CCND2: variants seen among roughly 807,000 people sequenced by gnomAD.
The protein encoded by CCND2 is cyclin D2, also known as G1/S-specific cyclin-D2.
CCND2 carries 6 observed loss-of-function variants against 30.2 expected under a neutral mutation model. The observed-to-expected ratio is 0.20, with a 90% CI of 0.11 to 0.39. The LOEUF is 0.39. Ranked by LOEUF, CCND2 falls within the 10% of genes least tolerant of loss-of-function variation. The probability of loss-of-function intolerance (pLI) is 1.00; values close to 1 mark genes in which losing one functional copy is unlikely to be tolerated. For synonymous variants in CCND2, 150 were observed against 153.1 expected (o/e 0.98, Z 0.15); for missense variants, 235 against 373.4 (o/e 0.63, Z 3.06).
rs3217921 is a variant in CCND2, at chr12:4,299,941, G to A, written c.802G>A (p.Gly268Arg). The A allele has an allele frequency of 2.2e-4, 352 of 1,614,146 alleles. 4 individuals carry two copies. The South Asian group carries it at 3.2e-3, about 15-fold the overall frequency. Residue 268 changes from glycine to arginine, a missense_variant, in exon 5 of 5, where the codon GGA becomes AGA. Gly to Arg is a moderately radical substitution (Grantham distance 125, BLOSUM62 -2). This residue lies in a region of CCND2 where 57 missense variants were observed against 50.7 expected (regional missense o/e 1.12). Transcript: ENST00000261254. This position sits in a 1 kb window ranked among gnomAD's most constrained non-coding sequence, Gnocchi z 5.2. ...GCAGTACCGTCAGGACCAACGTGAC[G>A]GATCCAAGTCGGAGGATGAACTGGA... Reference protein sequence around the residue: ...LQQYRQDQRDGSKSEDELDQA... With the variant: ...LQQYRQDQRDRSKSEDELDQA...
chr12:4,274,285 C>G lies in CCND2; in HGVS notation c.195+50C>G. On this transcript the variant is annotated intron_variant, in intron 1 of 4. Transcript: ENST00000261254. The surrounding 1 kb of genome is among the most constrained non-coding windows in gnomAD (Gnocchi z 7.7). ...AGGAGCCAGGACCCCTCCGGATGCTCGGGTCCCCGGCCGGAGCCCTAAACC... is the reference window on the plus strand; with the variant it reads ...AGGAGCCAGGACCCCTCCGGATGCTGGGGTCCCCGGCCGGAGCCCTAAACC... The G allele has an allele frequency of 1.9e-6, 3 of 1,584,312 alleles. No individual in the cohort carries two copies. Among genetic ancestry groups the G allele is most frequent in the South Asian group, 2.2e-5 (2 of 89,246 alleles).
At chr12:4,288,237 CT>C (rs56794387) in intron 3 of CCND2, among the ~76,000 whole-genome samples, 69,927 of 135,874 alleles carry the variant, frequency 0.51, 17,520 homozygotes, top group East Asian at 0.64. Context: ...TAGATCAAAC[CT>C]TTTTTTTTTT....
intron 1 of CCND2, chr12:4,275,535 C>G (rs1410128691): frequency 7.2e-6 from 1 of 138,894 alleles, no homozygotes; most frequent in Non-Finnish European, 1.6e-5. Context: ...AGGGACCCCC[C>G]CAGACATTTT....
chr12:4,297,326 C>T (rs1368621905), intron 4 of CCND2, among the ~76,000 whole-genome samples: 1 of 152,138 alleles, frequency 6.6e-6, no homozygotes, highest in Non-Finnish European at 1.5e-5. Flanking sequence ...AATCCCAGTA[C>T]TTCGGGAGGC....
intron 3 of CCND2, among the ~76,000 whole-genome samples, chr12:4,288,237 C>CTTT (rs56794387): frequency 7.3e-6 from 1 of 136,158 alleles, no homozygotes. Context: ...TAGATCAAAC[C>CTTT]TTTTTTTTTT....
intron 4 of CCND2, among the ~76,000 whole-genome samples, chr12:4,296,705 GAA>G (rs58907719): frequency 0.15 from 18,552 of 125,480 alleles, 1,271 homozygotes; most frequent in Non-Finnish European, 0.19. Flanking sequence ...GCCTCTTGGG[GAA>G]AAAAAAAAAA....
chr12:4,278,579 A>AG (rs1670342237), intron 2 of CCND2, 181 bp from the exon 3 acceptor site: 1 of 508,862 alleles, frequency 2.0e-6, no homozygotes. Context: ...AAGCATAAGA[A>AG]GAGCTGTCAA....
At chr12:4,275,931 T>G in intron 1 of CCND2, 74 bp from the exon 2 acceptor site, 1 of 988,138 alleles carries the variant, frequency 1.0e-6, no homozygotes, top group Non-Finnish European at 1.5e-6. Flanking sequence ...ATTACGCTTT[T>G]TTATTCTTTT....
At chr12:4,290,624 A>G (rs1240697646) in intron 4 of CCND2, among the ~76,000 whole-genome samples, 2 of 136,980 alleles carry the variant, frequency 1.5e-5, no homozygotes, top group Middle Eastern at 3.4e-3. Context: ...TTTTCCCCCG[A>G]TGTTGATAGA....
intron 3 of CCND2, among the ~76,000 whole-genome samples, chr12:4,284,602 C>T (rs1456552495): frequency 1.3e-5 from 2 of 152,300 alleles, no homozygotes; most frequent in South Asian, 2.1e-4. Context: ...GCCCAAGCTC[C>T]GTGCACTCCA....
chr12:4,290,681 C>T (rs1334551781), intron 4 of CCND2, among the ~76,000 whole-genome samples: 6 of 152,144 alleles, frequency 3.9e-5, no homozygotes, highest in Middle Eastern at 3.4e-3. Context: ...CCTTTTCCCA[C>T]CTCCCTTTGT....
rs148413444 is a variant in CCND2 at position 4,281,540 on chromosome 12, T to C, written c.571+2621T>C. Among the ~76,000 whole-genome samples the C allele has an allele frequency of 5.3e-5, 8 of 151,534 alleles. No individual in the cohort carries two copies. In the East Asian group the frequency reaches 1.6e-3, roughly 30 times the overall value. ...CTGCTCCTCAAATCGCACACTTCCC[T>C]CCTTTTCTCGCAGTCCTGGATGTTC... is the stretch of plus-strand genomic sequence containing the variant. On this transcript the variant is annotated intron_variant, in intron 3 of 4. Coordinates refer to ENST00000261254, the MANE Select transcript of CCND2 (RefSeq NM_001759.4).
rs575276264 is a variant in CCND2, at chr12:4,303,344, G to T, written c.*3335G>T. 6 of 233,146 alleles carry T rather than the reference G, an allele frequency of 2.6e-5. No homozygotes were observed. The highest frequency in any genetic ancestry group is 5.1e-5 in the Non-Finnish European group (6 of 118,068). 14.4% of individuals were successfully genotyped at this position (233,146 alleles called of 1,614,324 possible). On this transcript the variant is annotated 3_prime_UTR_variant, in exon 5 of 5. Coordinates refer to ENST00000261254, the MANE Select transcript of CCND2 (RefSeq NM_001759.4). This position sits in a 1 kb window ranked among gnomAD's most constrained non-coding sequence, Gnocchi z 4.6. ...GATTTTGCCCTCTCCTTAGCTCTTA[G>T]TCTCTTTGGTAGGAGTTTTGTTCCA...
In CCND2 at chr12:4,276,570, A is replaced by G. The variant is rs1055891857; in HGVS notation, c.411+350A>G. 2.0e-5 allele frequency among the ~76,000 whole-genome samples: 3 copies of G among 152,210 alleles called. No individual in the cohort carries two copies. Among genetic ancestry groups the G allele is most frequent in the African/African-American group, 7.2e-5 (3 of 41,448 alleles). On this transcript the variant is annotated intron_variant, in intron 2 of 4. Coordinates refer to ENST00000261254, the MANE Select transcript of CCND2 (RefSeq NM_001759.4). This position sits in a 1 kb window ranked among gnomAD's most constrained non-coding sequence, Gnocchi z 4.8. ...GTGATAATATTTTAATTAAATTCCAAATTTCCAAAAATAGTCTGAGAACGT... is the reference window on the plus strand; with the variant it reads ...GTGATAATATTTTAATTAAATTCCAGATTTCCAAAAATAGTCTGAGAACGT...
At chr12:4,295,283 A>G (rs1275857629) in intron 4 of CCND2, among the ~76,000 whole-genome samples, 1 of 152,184 alleles carries the variant, frequency 6.6e-6, no homozygotes, top group Non-Finnish European at 1.5e-5. Flanking sequence ...GTGTAGTCGA[A>G]AGTCAAGCTG....
chr12:4,277,459 G>C (rs757106760), intron 2 of CCND2, among the ~76,000 whole-genome samples: 1 of 152,196 alleles, frequency 6.6e-6, no homozygotes, highest in Non-Finnish European at 1.5e-5. Flanking sequence ...TTAGAATTGG[G>C]AACCAATTTG....
In CCND2 at chr12:4,273,931, A is replaced by C; in HGVS notation, c.-110A>C. The C allele has an allele frequency of 9.2e-7, 1 of 1,086,274 alleles. No individual in the cohort carries two copies. The highest frequency in any genetic ancestry group is 1.3e-6 in the Non-Finnish European group (1 of 770,898). The allele number at this position is 1,086,274 out of a possible 1,614,324, so 67.3% of individuals were successfully genotyped here. Reference sequence around the variant, plus strand: ...CCCCCGAAAACCCCCTATTTAGCCAAAGGAAGGAGGTCAGGGGAACGCTCT... The same window carrying C: ...CCCCCGAAAACCCCCTATTTAGCCACAGGAAGGAGGTCAGGGGAACGCTCT... On this transcript the variant is annotated 5_prime_UTR_variant, in exon 1 of 5. Transcript: ENST00000261254. This position sits in a 1 kb window ranked among gnomAD's most constrained non-coding sequence, Gnocchi z 5.9.
chr12:4,299,774 C>A lies in CCND2; in HGVS notation c.721-86C>A. ...TACTGGAAACTAGCACAGACTTATG[C>A]AAGCTAAATTACGCATGTTTTCTCC... On this transcript the variant is annotated intron_variant, in intron 4 of 4. Transcript: ENST00000261254. The surrounding 1 kb of genome is among the most constrained non-coding windows in gnomAD (Gnocchi z 5.2). 1 of 1,312,020 alleles carries A rather than the reference C, an allele frequency of 7.6e-7. No homozygotes were observed. Among genetic ancestry groups the A allele is most frequent in the Non-Finnish European group, 1.1e-6 (1 of 941,038 alleles). 81.3% of individuals were successfully genotyped at this position (1,312,020 alleles called of 1,614,324 possible).
In CCND2 at chr12:4,304,972, C is replaced by G. The variant is rs1213528786; in HGVS notation, c.*4963C>G. 4.5e-6 allele frequency: 1 copy of G among 221,854 alleles called. No homozygotes were observed. The highest frequency in any genetic ancestry group is 8.6e-6 in the Non-Finnish European group (1 of 115,894). The allele number at this position is 221,854 out of a possible 1,614,324, so 13.7% of individuals were successfully genotyped here. A position where few individuals can be genotyped will look rare whatever the true frequency, so the allele number is the denominator to read the frequency against. On this transcript the variant is annotated 3_prime_UTR_variant, in exon 5 of 5. Coordinates refer to ENST00000261254, the MANE Select transcript of CCND2 (RefSeq NM_001759.4). The surrounding 1 kb of genome is among the most constrained non-coding windows in gnomAD (Gnocchi z 6.2). ...CTCTCTCAGTTATGTAGTTTCTTGT[C>G]TTGGACTTTTTTTTTTCTTTTCTTT...
Sources: allele counts gnomAD v4.1 joint callset (sites outside exome capture counted in the v4.1 genomes callset), GRCh38; gene constraint gnomAD v4.1.1; regional missense constraint gnomAD v4.1.1; non-coding constraint Gnocchi (gnomAD v3.1); transcripts MANE v1.5; gene names NCBI Gene and HGNC (gene_info 2026-07-23, HGNC 2026-07-21).